Variants in THBS4 observed in about 807,000 individuals in gnomAD.
The protein encoded by THBS4 is thrombospondin-4.
In THBS4, 90 loss-of-function variants were observed where a neutral mutation model predicts 115.7. The ratio of observed to expected loss-of-function variants is 0.78; its 90% CI spans 0.66 to 0.93. The LOEUF (loss-of-function observed/expected upper bound fraction) is 0.93, where lower values mean the gene tolerates loss of function less well. Ranked by LOEUF, THBS4 falls within the 40% of genes least tolerant of loss-of-function variation. The pLI is 0.00. For missense variants in THBS4, 1,087 were observed against 1,232.7 expected, an observed-to-expected ratio of 0.88 and a Z score of 1.77; for synonymous variants, 460 against 479.3, an observed-to-expected ratio of 0.96 and a Z score of 0.53.
At chr5:80,064,084 T>A (rs1254603946) in intron 8 of THBS4, among the ~76,000 whole-genome samples, 1 of 152,284 alleles carries the variant, frequency 6.6e-6, no homozygotes. Context: ...AGAACCACCT[T>A]ATCAATTACA....
At chr5:79,998,652 C>T (rs1433817957) in intron 2 of THBS4, among the ~76,000 whole-genome samples, 3 of 152,232 alleles carry the variant, frequency 2.0e-5, no homozygotes, top group African/African-American at 7.2e-5. Context: ...GTAGATGTTA[C>T]AATTGGGGGA....
intron 2 of THBS4, among the ~76,000 whole-genome samples, chr5:80,045,928 A>T (rs1396994149): frequency 6.6e-6 from 1 of 152,206 alleles, no homozygotes; most frequent in Non-Finnish European, 1.5e-5. Context: ...CCCTTGAATT[A>T]GCTTAATTTT....
intron 2 of THBS4, among the ~76,000 whole-genome samples, chr5:80,002,162 C>T (rs1217572233): frequency 2.6e-5 from 4 of 152,260 alleles, no homozygotes; most frequent in South Asian, 4.1e-4. Context: ...AACTGACCAG[C>T]ATCTAATACT....
chr5:80,010,180 C>T (rs1281480777), intron 2 of THBS4, among the ~76,000 whole-genome samples: 5 of 152,182 alleles, frequency 3.3e-5, no homozygotes, highest in African/African-American at 1.2e-4. Flanking sequence ...AGCAAAAACC[C>T]ATTACCCTTA....
intron 16 of THBS4, among the ~76,000 whole-genome samples, 176 bp from the exon 17 acceptor site, chr5:80,077,873 G>A (rs1253267202): frequency 1.3e-5 from 2 of 152,160 alleles, no homozygotes; most frequent in African/African-American, 4.8e-5. Flanking sequence ...CCAGAATGGG[G>A]CCTGGCACCA....
At chr5:80,001,809 T>A (rs911476235) in intron 2 of THBS4, among the ~76,000 whole-genome samples, 1 of 152,156 alleles carries the variant, frequency 6.6e-6, no homozygotes, top group Non-Finnish European at 1.5e-5. Flanking sequence ...CAAAGGAATT[T>A]GGAGTTGGAG....
At chr5:80,078,577 G>A (rs1743333910) in intron 17 of THBS4, among the ~76,000 whole-genome samples, 1 of 152,182 alleles carries the variant, frequency 6.6e-6, no homozygotes, top group South Asian at 2.1e-4. Flanking sequence ...ACTAAGAAGT[G>A]CAGGCACAGA....
chr5:80,057,162 A>G (rs1156450980), intron 3 of THBS4, among the ~76,000 whole-genome samples: 1 of 152,228 alleles, frequency 6.6e-6, no homozygotes, highest in Non-Finnish European at 1.5e-5. Context: ...TCCCCATAGT[A>G]GCGCATGTAA....
intron 1 of THBS4, chr5:80,036,180 A>C (rs1832712791): frequency 5.1e-6 from 5 of 985,450 alleles, no homozygotes; most frequent in Non-Finnish European, 6.0e-6. Flanking sequence ...TTTCTGAGGT[A>C]AATAGGAAGG....
At chr5:80,051,266 G>A (rs1192855382) in intron 2 of THBS4, among the ~76,000 whole-genome samples, 1 of 152,182 alleles carries the variant, frequency 6.6e-6, no homozygotes, top group Non-Finnish European at 1.5e-5. Context: ...GACTCCATAT[G>A]ACTGATGTGA....
At chr5:80,057,276 A>G (rs900492198) in intron 3 of THBS4, among the ~76,000 whole-genome samples, 2 of 152,210 alleles carry the variant, frequency 1.3e-5, no homozygotes, top group Admixed American at 1.3e-4. Flanking sequence ...TGACAAAGTC[A>G]TCAGAAACTG....
chr5:80,059,857 C>T lies in THBS4; in HGVS notation c.939C>T (p.Cys313=). The T allele has an allele frequency of 6.2e-7, 1 of 1,613,988 alleles. No homozygotes were observed. The highest frequency in any genetic ancestry group is 2.2e-5 in the East Asian group (1 of 44,892). ...DSRDGFQCGP[C]PEGYTGNGIT... ...GAGATGGCTTCCAGTGTGGGCCCTG[C>T]CCCGAGGGCTACACAGGAAACGGGA... Residue 313 remains cysteine (C), a synonymous_variant, in exon 7 of 22, where the codon TGC becomes TGT. Coordinates refer to ENST00000350881, the MANE Select transcript of THBS4 (RefSeq NM_003248.6).
intron 2 of THBS4, among the ~76,000 whole-genome samples, chr5:80,021,580 C>T (rs1219785120): frequency 6.6e-6 from 1 of 151,968 alleles, no homozygotes; most frequent in African/African-American, 2.4e-5. Flanking sequence ...AGTCGTAGCT[C>T]ACTATAGCCT....
intron 2 of THBS4, among the ~76,000 whole-genome samples, chr5:80,002,120 T>G (rs1831911042): frequency 6.6e-6 from 1 of 152,208 alleles, no homozygotes; most frequent in African/African-American, 2.4e-5. Flanking sequence ...TGCAGTCTGC[T>G]TTTGTTAACT....
At chr5:80,039,952 A>T (rs1225236292) in intron 1 of THBS4, 125 bp from the exon 2 acceptor site, 1 of 809,074 alleles carries the variant, frequency 1.2e-6, no homozygotes, top group Non-Finnish European at 2.0e-6. Flanking sequence ...CGGAAAAGGG[A>T]TTACAAGATT....
intron 2 of THBS4, among the ~76,000 whole-genome samples, chr5:80,017,936 G>T (rs1238729769): frequency 6.6e-6 from 1 of 152,042 alleles, no homozygotes; most frequent in Admixed American, 6.6e-5. Context: ...TGGAAACACT[G>T]CTGTACCTCT....
At chr5:80,063,919 G>C (rs1001379164) in intron 8 of THBS4, among the ~76,000 whole-genome samples, 12 of 152,224 alleles carry the variant, frequency 7.9e-5, no homozygotes, top group African/African-American at 2.2e-4. Context: ...ACTGTGACTA[G>C]AGCTGATGCC....
At chr5:80,076,254 C>T (rs944270684) in intron 15 of THBS4, 1 of 152,254 alleles carries the variant, frequency 6.6e-6, no homozygotes, top group Non-Finnish European at 1.5e-5. Flanking sequence ...CTCATTGGAT[C>T]CACTAGCCAG....
At chr5:79,998,523 G>C (rs1831840732) in intron 2 of THBS4, 1 of 152,244 alleles carries the variant, frequency 6.6e-6, no homozygotes, top group South Asian at 2.1e-4. Context: ...GACCTTATAA[G>C]GAAAAAGAGA....
Sources: allele counts gnomAD v4.1 joint callset (sites outside exome capture counted in the v4.1 genomes callset), GRCh38; gene constraint gnomAD v4.1.1; transcripts MANE v1.5; gene names NCBI Gene and HGNC (gene_info 2026-07-23, HGNC 2026-07-21).